HPCAL1: variants seen among roughly 807,000 people sequenced by gnomAD.
HPCAL1 encodes hippocalcin like 1, also known as hippocalcin-like protein 1.
A neutral mutation model predicts 17.1 loss-of-function variants in HPCAL1; 8 were observed. That is an observed-to-expected ratio of 0.47 (90% CI 0.27 to 0.84). The LOEUF (loss-of-function observed/expected upper bound fraction) is 0.84. Among genes scored for constraint, HPCAL1 ranks in the 40% least tolerant of loss-of-function variants. The pLI, the probability that HPCAL1 is intolerant of heterozygous loss-of-function variation, is 0.13. For synonymous variants in HPCAL1, 112 were observed against 111.4 expected (o/e 1.01, Z -0.03); for missense variants, 165 against 271.1 (o/e 0.61, Z 2.75).
At chr2:10,347,150 C>T (rs1473465999) in intron 1 of HPCAL1, among the ~76,000 whole-genome samples, 15 of 152,214 alleles carry the variant, frequency 9.9e-5, no homozygotes, top group Admixed American at 3.3e-4. Flanking sequence ...ACACACAGGC[C>T]GGCCTCAGTG....
At chr2:10,334,964 C>T (rs778906935) in intron 1 of HPCAL1, among the ~76,000 whole-genome samples, 8 of 152,258 alleles carry the variant, frequency 5.3e-5, no homozygotes, top group Non-Finnish European at 1.2e-4. Flanking sequence ...AGGCGTGAGC[C>T]ACTGTGCCAG....
At chr2:10,356,650 C>T (rs1384962546) in intron 1 of HPCAL1, among the ~76,000 whole-genome samples, 1 of 152,158 alleles carries the variant, frequency 6.6e-6, no homozygotes, top group Admixed American at 6.5e-5. Flanking sequence ...CCCCACACAC[C>T]ACACCACCTG....
chr2:10,394,105 A>T lies in HPCAL1; in HGVS notation c.-110-2730A>T, dbSNP rs186380569. On this transcript the variant is annotated intron_variant, in intron 1 of 4. Transcript: ENST00000307845. The surrounding 1 kb of genome is among the most constrained non-coding windows in gnomAD (Gnocchi z 5.0). ...GCTCCAGCCTGGGTGACAGAGCGAG[A>T]TCCTGTCTCCTGAAAAACAAACAAA... 6.7e-6 allele frequency among the ~76,000 whole-genome samples: 1 copy of T among 148,250 alleles called. No individual in the cohort carries two copies. The highest frequency in any genetic ancestry group is 2.0e-4 in the East Asian group (1 of 5,002).
Position 10,419,852 on chromosome 2 carries a change from A to G in HPCAL1, c.95A>G (p.Lys32Arg). The G allele has an allele frequency of 1.2e-6, 2 of 1,613,790 alleles. No individual in the cohort carries two copies. The highest frequency in any genetic ancestry group is 1.7e-6 in the Non-Finnish European group (2 of 1,179,978). ...FTDHELQEWY[K>R]GFLKDCPTGH... ...GACCACGAGCTGCAGGAGTGGTACA[A>G]GGGCTTCCTCAAGGACTGCCCCACC... Residue 32 changes from lysine to arginine, a missense_variant, in exon 3 of 5, where the codon AAG (lysine) becomes AGG (arginine). Lys to Arg is a conservative substitution (Grantham distance 26). Coordinates refer to ENST00000307845, the MANE Select transcript of HPCAL1 (RefSeq NM_002149.4). This position sits in a 1 kb window ranked among gnomAD's most constrained non-coding sequence, Gnocchi z 5.0.
rs539712567 is a variant in HPCAL1 at position 10,372,700 on chromosome 2, G to A, written c.-110-24135G>A. On this transcript the variant is annotated intron_variant, in intron 1 of 4. Coordinates refer to ENST00000307845, the MANE Select transcript of HPCAL1 (RefSeq NM_002149.4). ...GGTGGCGTGGGTCCCATCGCTCTCC[G>A]TCAGCCACGGCCAGAGCACACCTGT... Among the ~76,000 whole-genome samples the A allele has an allele frequency of 4.2e-4, 64 of 152,332 alleles. No homozygotes were observed. The Middle Eastern group carries it at 0.01, about 24-fold the overall frequency.
chr2:10,399,252 A>ACCG (rs1558517567), intron 2 of HPCAL1, among the ~76,000 whole-genome samples: 1 of 148,048 alleles, frequency 6.8e-6, no homozygotes, highest in Admixed American at 6.7e-5. Context: ...CACCACCACC[A>ACCG]CCACCACCAT....
At chr2:10,399,316 C>T (rs867598773) in intron 2 of HPCAL1, among the ~76,000 whole-genome samples, 51 of 82,042 alleles carry the variant, frequency 6.2e-4, no homozygotes, top group East Asian at 1.1e-3. Context: ...ACCACCACCA[C>T]CACCACCATC....
rs1010686782 is a variant in HPCAL1 at position 10,331,566 on chromosome 2, G to A, written c.-111+28389G>A. ...GCTTTTCCACGGCCAAGCGCTGGCT[G>A]GTGGTGGAGCTGCGCTGAAGTCAGT... On this transcript the variant is annotated intron_variant, in intron 1 of 4. Transcript: ENST00000307845. The surrounding 1 kb of genome is among the most constrained non-coding windows in gnomAD (Gnocchi z 5.0). Among the ~76,000 whole-genome samples the A allele has an allele frequency of 6.6e-6, 1 of 152,216 alleles. No individual in the cohort carries two copies. Among genetic ancestry groups the A allele is most frequent in the African/African-American group, 2.4e-5 (1 of 41,466 alleles).
intron 2 of HPCAL1, among the ~76,000 whole-genome samples, chr2:10,410,238 C>T (rs546220005): frequency 2.0e-5 from 3 of 152,240 alleles, no homozygotes; most frequent in African/African-American, 7.2e-5. Flanking sequence ...CAACCAATGC[C>T]GTCAGCCGGC....
intron 2 of HPCAL1, among the ~76,000 whole-genome samples, chr2:10,409,978 G>T (rs770827221): frequency 2.0e-5 from 3 of 151,878 alleles, no homozygotes; most frequent in Non-Finnish European, 4.4e-5. Context: ...TTTTAGTAGG[G>T]ACGGTTTCAC....
chr2:10,319,434 G>A (rs1227595777), intron 1 of HPCAL1, among the ~76,000 whole-genome samples: 1 of 152,142 alleles, frequency 6.6e-6, no homozygotes, highest in Non-Finnish European at 1.5e-5. Context: ...CTGGGAGCTG[G>A]ACTCTCAGAT....
rs1012573043 is a variant in HPCAL1 at position 10,418,773 on chromosome 2, C to T, written c.-24-961C>T. Among the ~76,000 whole-genome samples the T allele has an allele frequency of 4.6e-5, 7 of 152,262 alleles. No homozygotes were observed. In the East Asian group the frequency reaches 1.4e-3, roughly 29 times the overall value. On this transcript the variant is annotated intron_variant, in intron 2 of 4. Transcript: ENST00000307845. The stretch of plus-strand genomic sequence containing the variant: ...CTTGCATTCAGGACTTGTGGAGAAC[C>T]GCCCTGGGGGATGGTTTTGAGCAGA...
chr2:10,334,935 C>T (rs1179823765), intron 1 of HPCAL1, among the ~76,000 whole-genome samples: 2 of 152,236 alleles, frequency 1.3e-5, no homozygotes. Flanking sequence ...GCCTTGGCCT[C>T]CCAAATTGCT....
At chr2:10,321,481 T>G (rs555644892) in intron 1 of HPCAL1, among the ~76,000 whole-genome samples, 1 of 152,166 alleles carries the variant, frequency 6.6e-6, no homozygotes, top group South Asian at 2.1e-4. Context: ...TTACATACCA[T>G]ATACCATGAA....
chr2:10,307,799 G>T (rs186728300), intron 1 of HPCAL1, among the ~76,000 whole-genome samples: 5 of 152,326 alleles, frequency 3.3e-5, no homozygotes, highest in African/African-American at 1.2e-4. Context: ...TTGGCCCAGA[G>T]AATGCTTCCA....
chr2:10,388,118 G>A (rs924251370), intron 1 of HPCAL1, among the ~76,000 whole-genome samples: 11 of 152,106 alleles, frequency 7.2e-5, no homozygotes, highest in South Asian at 4.1e-4. Context: ...CTCGTTGTCC[G>A]GCCAAGACAG....
chr2:10,352,601 G>A (rs1345640777), intron 1 of HPCAL1, among the ~76,000 whole-genome samples: 1 of 152,226 alleles, frequency 6.6e-6, no homozygotes, highest in African/African-American at 2.4e-5. Context: ...GTCCCCTGGG[G>A]ACGTCTGGGA....
At chr2:10,396,233 G>T (rs896115100) in intron 1 of HPCAL1, among the ~76,000 whole-genome samples, 1 of 152,202 alleles carries the variant, frequency 6.6e-6, no homozygotes, top group Admixed American at 6.5e-5. Context: ...CCCTGTGCTG[G>T]GCCCAGGAGG....
chr2:10,379,542 G>A (rs569873963), intron 1 of HPCAL1, among the ~76,000 whole-genome samples: 29 of 152,162 alleles, frequency 1.9e-4, no homozygotes, highest in Non-Finnish European at 3.5e-4. Context: ...CAGATGGTCC[G>A]ATGGCCCGGC....
Sources: gnomAD v4.1 joint callset for allele counts (sites outside exome capture counted in the v4.1 genomes callset) on GRCh38, gnomAD v4.1.1 for gene constraint, Gnocchi (gnomAD v3.1) non-coding constraint, MANE v1.5 for transcripts, NCBI Gene and HGNC (gene_info 2026-07-23, HGNC 2026-07-21) for gene names.